The following KCNQ3 variants were observed in gnomAD, a reference collection of about 807,000 sequenced individuals.
KCNQ3 encodes the protein potassium voltage-gated channel subfamily Q member 3, also known as potassium voltage-gated channel subfamily KQT member 3.
KCNQ3 carries 30 observed loss-of-function variants against 92.5 expected under a neutral mutation model. The ratio of observed to expected loss-of-function variants is 0.32; its 90% CI spans 0.24 to 0.44. The LOEUF is 0.44. Among genes scored for constraint, KCNQ3 ranks in the 20% least tolerant of loss-of-function variants. KCNQ3 has a pLI of 1.00. For synonymous variants in KCNQ3, 450 were observed against 468.8 expected, an observed-to-expected ratio of 0.96 and a Z score of 0.52; for missense variants, 913 against 1,140.3, an observed-to-expected ratio of 0.80 and a Z score of 2.87.
chr8:132,211,936 G>A (rs1255310837), intron 1 of KCNQ3, among the ~76,000 whole-genome samples: 2 of 141,774 alleles, frequency 1.4e-5, no homozygotes, highest in African/African-American at 5.5e-5. Flanking sequence ...CTGAGTGACA[G>A]TGCTAGACTC....
intron 1 of KCNQ3, among the ~76,000 whole-genome samples, chr8:132,236,356 G>C (rs982086285): frequency 6.6e-6 from 1 of 152,014 alleles, no homozygotes; most frequent in African/African-American, 2.4e-5. Context: ...CCAAACACAC[G>C]AAGCAAACAA....
At chr8:132,372,498 G>A (rs772398856) in intron 1 of KCNQ3, among the ~76,000 whole-genome samples, 40 of 152,104 alleles carry the variant, frequency 2.6e-4, no homozygotes, top group Non-Finnish European at 5.6e-4. Context: ...GCTCACACCT[G>A]TAATCCCAGC....
chr8:132,234,218 C>G (rs1441640970), intron 1 of KCNQ3, among the ~76,000 whole-genome samples: 2 of 151,986 alleles, frequency 1.3e-5, no homozygotes, highest in African/African-American at 4.8e-5. Context: ...TGCACAGCCC[C>G]TTGTGTTTTT....
At chr8:132,220,378 T>C (rs1814186762) in intron 1 of KCNQ3, among the ~76,000 whole-genome samples, 1 of 152,198 alleles carries the variant, frequency 6.6e-6, no homozygotes, top group Admixed American at 6.5e-5. Context: ...CCAGACATGA[T>C]AAAATGAATG....
intron 1 of KCNQ3, among the ~76,000 whole-genome samples, chr8:132,434,195 G>A (rs1383656754): frequency 8.1e-5 from 11 of 135,780 alleles, no homozygotes; most frequent in South Asian, 2.4e-4. Flanking sequence ...GTGACAGAGC[G>A]AGACTCCGTC....
chr8:132,226,374 T>A (rs546541576), intron 1 of KCNQ3, among the ~76,000 whole-genome samples: 3 of 152,022 alleles, frequency 2.0e-5, no homozygotes, highest in African/African-American at 7.3e-5. Flanking sequence ...CCCCTGCTGA[T>A]GGAAAAAGGT....
chr8:132,464,303 T>C (rs1301475807), intron 1 of KCNQ3, among the ~76,000 whole-genome samples: 1 of 152,204 alleles, frequency 6.6e-6, no homozygotes, highest in Non-Finnish European at 1.5e-5. Flanking sequence ...GGTTAAACAA[T>C]GATACAGCCA....
intron 9 of KCNQ3, among the ~76,000 whole-genome samples, chr8:132,150,279 C>T (rs963463877): frequency 2.6e-5 from 4 of 152,152 alleles, no homozygotes; most frequent in Admixed American, 6.5e-5. Flanking sequence ...TCCTTGAGGG[C>T]GTGGCCTGTA....
chr8:132,192,925 G>A (rs944202956), intron 1 of KCNQ3, among the ~76,000 whole-genome samples: 1 of 152,178 alleles, frequency 6.6e-6, no homozygotes, highest in Non-Finnish European at 1.5e-5. Flanking sequence ...GGGATTACAG[G>A]TGTGAGCCAC....
At chr8:132,322,194 A>C (rs943499616) in intron 1 of KCNQ3, among the ~76,000 whole-genome samples, 55 of 152,218 alleles carry the variant, frequency 3.6e-4, no homozygotes, top group African/African-American at 1.2e-3. Flanking sequence ...CAGAGAGGCC[A>C]ATTAACCAGT....
intron 1 of KCNQ3, among the ~76,000 whole-genome samples, chr8:132,202,311 A>G (rs1827488745): frequency 6.6e-6 from 1 of 152,166 alleles, no homozygotes; most frequent in African/African-American, 2.4e-5. Flanking sequence ...GAATAGAACT[A>G]GGCTTCCTTC....
intron 1 of KCNQ3, among the ~76,000 whole-genome samples, chr8:132,277,661 A>C (rs1393404628): frequency 6.6e-6 from 1 of 152,202 alleles, no homozygotes; most frequent in Non-Finnish European, 1.5e-5. Flanking sequence ...CCTGCTAAGA[A>C]GCCCAAATGA....
chr8:132,248,999 G>A (rs993503193), intron 1 of KCNQ3, among the ~76,000 whole-genome samples: 2 of 152,164 alleles, frequency 1.3e-5, no homozygotes, highest in African/African-American at 4.8e-5. Context: ...TGGTGTGTCC[G>A]GAGTTTGTTC....
At chr8:132,462,830 T>C (rs2130859536) in intron 1 of KCNQ3, among the ~76,000 whole-genome samples, 1 of 152,332 alleles carries the variant, frequency 6.6e-6, no homozygotes, top group African/African-American at 2.4e-5. Context: ...ATAGAAAGAA[T>C]GATTACCATT....
chr8:132,233,160 C>T (rs1433724801), intron 1 of KCNQ3, among the ~76,000 whole-genome samples: 3 of 152,104 alleles, frequency 2.0e-5, no homozygotes, highest in Non-Finnish European at 2.9e-5. Context: ...AGGACATTTC[C>T]GTCATGACAC....
chr8:132,355,310 G>A (rs146411942), intron 1 of KCNQ3, among the ~76,000 whole-genome samples: 139 of 152,074 alleles, frequency 9.1e-4, no homozygotes, highest in African/African-American at 3.2e-3. Flanking sequence ...GCTGTCCAGG[G>A]CCTCTGTGCC....
At chr8:132,243,539 G>T (rs890661191) in intron 1 of KCNQ3, among the ~76,000 whole-genome samples, 25 of 152,324 alleles carry the variant, frequency 1.6e-4, no homozygotes, top group East Asian at 5.8e-4. Flanking sequence ...AAAATTAAAA[G>T]TTAATCCTTT....
intron 4 of KCNQ3, among the ~76,000 whole-genome samples, chr8:132,177,654 C>A (rs1826610252): frequency 6.6e-6 from 1 of 152,178 alleles, no homozygotes; most frequent in Non-Finnish European, 1.5e-5. Context: ...GAGAACCTGA[C>A]CTATCCTAAC....
intron 11 of KCNQ3, among the ~76,000 whole-genome samples, chr8:132,139,243 C>A (rs2130940856): frequency 6.6e-6 from 1 of 152,340 alleles, no homozygotes; most frequent in South Asian, 2.1e-4. Context: ...GCAGAGATCA[C>A]CCTCCAGGTC....
Sources: gnomAD v4.1 joint callset for allele counts (sites outside exome capture counted in the v4.1 genomes callset) on GRCh38, gnomAD v4.1.1 for gene constraint, MANE v1.5 for transcripts, NCBI Gene and HGNC (gene_info 2026-07-23, HGNC 2026-07-21) for gene names.